Variants in RARB observed in about 807,000 individuals in gnomAD.
RARB encodes the protein HBV-activated protein.
RARB carries 17 observed loss-of-function variants against 51.9 expected under a neutral mutation model. The ratio of observed to expected loss-of-function variants is 0.33; its 90% CI spans 0.22 to 0.49. The LOEUF (loss-of-function observed/expected upper bound fraction) is 0.49, where lower values mean the gene tolerates loss of function less well. Among genes scored for constraint, RARB ranks in the 20% least tolerant of loss-of-function variants. The pLI is 0.99. For missense variants in RARB, 369 were observed against 550.8 expected, an observed-to-expected ratio of 0.67 and a Z score of 3.30; for synonymous variants, 215 against 195.4, an observed-to-expected ratio of 1.10 and a Z score of -0.84.
chr3:25,210,529 C>CTTTTTTTTTTTTTTTTTTGTTTTT lies in RARB; in HGVS notation c.178+35972_178+35973insGTTTTTTTTTTTTTTTTTTTTTTT, dbSNP rs1701668364. The stretch of plus-strand genomic sequence containing the variant: ...GAAAGCCTGAAATCTTTATCTGATT[C>CTTTTTTTTTTTTTTTTTTGTTTTT]TTTTTTTTTTTTTTTTTTTTTTTTG... On this transcript the variant is annotated intron_variant, in intron 5 of 11. Transcript: ENST00000383772. Among the ~76,000 whole-genome samples, 2 of 27,618 alleles carry CTTTTTTTTTTTTTTTTTTGTTTTT rather than the reference C, an allele frequency of 7.2e-5. 1 individual carries two copies. Among genetic ancestry groups the CTTTTTTTTTTTTTTTTTTGTTTTT allele is most frequent in the Non-Finnish European group, 1.7e-4 (2 of 11,524 alleles). 18.1% of individuals were successfully genotyped at this position (27,618 alleles called of 152,430 possible). A position where few individuals can be genotyped will look rare whatever the true frequency, so the allele number is the denominator to read the frequency against.
chr3:25,488,756 G>C (rs191506160), intron 2 of RARB, among the ~76,000 whole-genome samples: 33 of 152,344 alleles, frequency 2.2e-4, no homozygotes, highest in African/African-American at 7.5e-4. Flanking sequence ...TGTTTCTTCT[G>C]TCTAAAGCCA....
rs10525876 is a variant in RARB at position 25,513,661 on chromosome 3, T to TACACACACACACACACACACACACACAC, written c.448+12363_448+12364insCACACACACACACACACACACACACACA. Reference sequence around the variant, plus strand: ...ACAGAGATTTACTTTCTCTCAAAACTACACACACACACACACACACACACA... The same window carrying TACACACACACACACACACACACACACAC: ...ACAGAGATTTACTTTCTCTCAAAACTACACACACACACACACACACACACACACACACACACACACACACACACACACA... On this transcript the variant is annotated intron_variant, in intron 3 of 7. Coordinates refer to ENST00000330688, the MANE Select transcript of RARB (RefSeq NM_000965.5). Among the ~76,000 whole-genome samples the TACACACACACACACACACACACACACAC allele has an allele frequency of 1.5e-3, 221 of 145,182 alleles. 2 individuals are homozygous for TACACACACACACACACACACACACACAC. Among genetic ancestry groups the TACACACACACACACACACACACACACAC allele is most frequent in the African/African-American group, 3.9e-3 (147 of 37,994 alleles).
chr3:25,490,152 C>T (rs1467662375), intron 2 of RARB, among the ~76,000 whole-genome samples: 2 of 152,162 alleles, frequency 1.3e-5, no homozygotes, highest in East Asian at 3.9e-4. Context: ...CTCATAGACT[C>T]TATGAGTTTT....
At chr3:25,138,304 T>A (rs1700061556) in intron 4 of RARB, among the ~76,000 whole-genome samples, 1 of 151,748 alleles carries the variant, frequency 6.6e-6, no homozygotes, top group Non-Finnish European at 1.5e-5. Flanking sequence ...CAGTCTGTGA[T>A]ACAACCTTTT....
At chr3:25,249,400 A>G (rs1041220875) in intron 5 of RARB, among the ~76,000 whole-genome samples, 4 of 151,948 alleles carry the variant, frequency 2.6e-5, no homozygotes, top group Admixed American at 1.3e-4. Flanking sequence ...TTTTAATATC[A>G]TTAATTTGAA....
chr3:25,317,332 G>A (rs995502616), intron 5 of RARB, among the ~76,000 whole-genome samples: 2 of 152,044 alleles, frequency 1.3e-5, no homozygotes, highest in Non-Finnish European at 2.9e-5. Context: ...GGTTAATAAG[G>A]ACATACAAAT....
intron 5 of RARB, among the ~76,000 whole-genome samples, chr3:25,365,222 T>C (rs1180457885): frequency 7.0e-6 from 1 of 142,190 alleles, no homozygotes; most frequent in African/African-American, 2.7e-5. Context: ...TTTTTTTTTT[T>C]TTTTGGCTGG....
Position 25,568,552 on chromosome 3 carries a change from C to T in RARB, c.449-1206C>T, listed in dbSNP as rs987317016. On this transcript the variant is annotated intron_variant, in intron 3 of 7. Coordinates refer to ENST00000330688, the MANE Select transcript of RARB (RefSeq NM_000965.5). The stretch of plus-strand genomic sequence containing the variant: ...CCTTGCTCTTTCCTTTCACCACTTC[C>T]TCTCTCCTCCTGCTATTGTCTTACT... 9.2e-5 allele frequency among the ~76,000 whole-genome samples: 14 copies of T among 152,140 alleles called. No individual in the cohort carries two copies. The East Asian group carries it at 2.3e-3, about 25-fold the overall frequency.
At chr3:25,119,647 A>G (rs1699746768) in intron 3 of RARB, among the ~76,000 whole-genome samples, 1 of 150,880 alleles carries the variant, frequency 6.6e-6, no homozygotes, top group African/African-American at 2.5e-5. Context: ...AAAAAGTGAT[A>G]AAACAAACAA....
At chr3:25,157,616 C>G (rs892648263) in intron 4 of RARB, among the ~76,000 whole-genome samples, 13 of 152,098 alleles carry the variant, frequency 8.5e-5, no homozygotes, top group African/African-American at 2.9e-4. Context: ...AGGCTCGTCT[C>G]AAACTCCTGG....
At chr3:25,482,612 T>C (rs1696283021) in intron 2 of RARB, among the ~76,000 whole-genome samples, 1 of 128,636 alleles carries the variant, frequency 7.8e-6, no homozygotes, top group Non-Finnish European at 1.6e-5. Context: ...TGATCTCGGC[T>C]CACTGCAACC....
chr3:25,106,907 T>TTG (rs1553633662), intron 3 of RARB, among the ~76,000 whole-genome samples: 1 of 151,596 alleles, frequency 6.6e-6, no homozygotes, highest in African/African-American at 2.4e-5. Flanking sequence ...TGCATTTTTT[T>TTG]TTGTTGTTGT....
chr3:25,175,759 CCTT>C (rs756526533), intron 5 of RARB, among the ~76,000 whole-genome samples: 93 of 152,232 alleles, frequency 6.1e-4, no homozygotes, highest in Non-Finnish European at 1.1e-3. Context: ...ATGAGTCTTT[CCTT>C]CTGTGTTTCG....
intron 5 of RARB, chr3:25,260,015 GT>G (rs1161611167): frequency 3.0e-6 from 3 of 983,746 alleles, no homozygotes; most frequent in East Asian, 1.1e-4. Flanking sequence ...TTTTTGAAAC[GT>G]TTTTCCCCTT....
intron 2 of RARB, among the ~76,000 whole-genome samples, chr3:24,889,306 G>C (rs1703326387): frequency 6.6e-6 from 1 of 152,116 alleles, no homozygotes; most frequent in African/African-American, 2.4e-5. Flanking sequence ...TAATAAGAGA[G>C]TTAACCTTAT....
chr3:25,256,990 A>G (rs1702882849), intron 5 of RARB, among the ~76,000 whole-genome samples: 1 of 152,094 alleles, frequency 6.6e-6, no homozygotes, highest in Admixed American at 6.6e-5. Flanking sequence ...TACGATAAGG[A>G]CTATCCTAAA....
chr3:25,405,051 G>A (rs1352091530), intron 5 of RARB, among the ~76,000 whole-genome samples: 2 of 152,136 alleles, frequency 1.3e-5, no homozygotes, highest in Non-Finnish European at 2.9e-5. Context: ...CTGGTTAAAT[G>A]GCATTTGCAG....
At chr3:25,053,232 C>A (rs139897508) in intron 2 of RARB, among the ~76,000 whole-genome samples, 1 of 152,110 alleles carries the variant, frequency 6.6e-6, no homozygotes, top group Non-Finnish European at 1.5e-5. Context: ...TGGTAATTAA[C>A]TTTATCCCTT....
intron 1 of RARB, among the ~76,000 whole-genome samples, chr3:24,848,271 G>T (rs1368414713): frequency 6.6e-6 from 1 of 152,266 alleles, no homozygotes; most frequent in East Asian, 1.9e-4. Flanking sequence ...ATGTTGCCCA[G>T]ACTAGTCTTG....
Sources: gnomAD v4.1 joint callset for allele counts (sites outside exome capture counted in the v4.1 genomes callset) on GRCh38, gnomAD v4.1.1 for gene constraint, MANE v1.5 for transcripts, NCBI Gene and HGNC (gene_info 2026-07-23, HGNC 2026-07-21) for gene names.